CUBN: variants seen among roughly 807,000 people sequenced by gnomAD.
CUBN encodes the protein 460 kDa receptor.
CUBN carries 282 observed loss-of-function variants against 405.3 expected under a neutral mutation model. That is an observed-to-expected ratio of 0.70 (90% CI 0.63 to 0.77). CUBN has a LOEUF of 0.77. Ranked by LOEUF, CUBN falls within the 30% of genes least tolerant of loss-of-function variation. The pLI is 0.00. For synonymous variants in CUBN, 1,684 were observed against 1,617.0 expected, an observed-to-expected ratio of 1.04 and a Z score of -0.99; for missense variants, 4,514 against 4,475.2, an observed-to-expected ratio of 1.01 and a Z score of -0.25.
intron 14 of CUBN, among the ~76,000 whole-genome samples, chr10:17,090,534 T>C (rs138186726): frequency 0.023 from 3,534 of 152,068 alleles, 138 homozygotes; most frequent in African/African-American, 0.078. Flanking sequence ...AAATCACAAC[T>C]GAAGTGAAAC....
intron 31 of CUBN, among the ~76,000 whole-genome samples, chr10:16,958,141 C>T (rs954850728): frequency 3.3e-5 from 5 of 152,054 alleles, no homozygotes; most frequent in Non-Finnish European, 7.4e-5. Context: ...GAAAATCACC[C>T]GAATCACCCA....
chr10:16,888,735 A>G (rs572185561), intron 55 of CUBN, among the ~76,000 whole-genome samples, 169 bp from the exon 56 acceptor site: 1 of 152,334 alleles, frequency 6.6e-6, no homozygotes, highest in African/African-American at 2.4e-5. Flanking sequence ...AAAAACATAC[A>G]TATGTGCTTA....
intron 64 of CUBN, among the ~76,000 whole-genome samples, chr10:16,832,119 A>T (rs1426892870): frequency 6.6e-6 from 1 of 152,130 alleles, no homozygotes; most frequent in African/African-American, 2.4e-5. Context: ...AGAGAACTAC[A>T]CTGTGAACTG....
chr10:17,022,924 A>G (rs1337364605), intron 27 of CUBN, among the ~76,000 whole-genome samples: 1 of 152,180 alleles, frequency 6.6e-6, no homozygotes, highest in Non-Finnish European at 1.5e-5. Flanking sequence ...CATAGGTAAG[A>G]TTTCTCCATA....
intron 48 of CUBN, among the ~76,000 whole-genome samples, chr10:16,912,568 C>T (rs1841763716): frequency 6.6e-6 from 1 of 152,084 alleles, no homozygotes; most frequent in Non-Finnish European, 1.5e-5. Context: ...GGTACTTAGA[C>T]CTTATGGATT....
At chr10:17,117,973 T>C (rs368084840) in intron 6 of CUBN, among the ~76,000 whole-genome samples, 159 of 152,318 alleles carry the variant, frequency 1.0e-3, no homozygotes, top group East Asian at 0.01. Context: ...GCTAAGAAGA[T>C]TGTCTTTATT....
At chr10:17,086,546 T>C (rs1836113772) in intron 15 of CUBN, among the ~76,000 whole-genome samples, 1 of 152,162 alleles carries the variant, frequency 6.6e-6, no homozygotes. Flanking sequence ...ACTTTGATAG[T>C]AAGTAAGTAC....
chr10:16,993,418 A>G (rs1833649155), intron 28 of CUBN, among the ~76,000 whole-genome samples: 1 of 152,140 alleles, frequency 6.6e-6, no homozygotes, highest in Non-Finnish European at 1.5e-5. Context: ...TTCCTTCGCA[A>G]ATAACAGGAT....
At chr10:17,127,002 G>T (rs532476318) in intron 3 of CUBN, among the ~76,000 whole-genome samples, 16 of 151,602 alleles carry the variant, frequency 1.1e-4, no homozygotes, top group East Asian at 5.8e-4. Flanking sequence ...GATTTCTGGG[G>T]TTTTTTTAAG....
intron 22 of CUBN, among the ~76,000 whole-genome samples, chr10:17,048,941 G>A (rs1167673151): frequency 3.3e-5 from 5 of 152,012 alleles, no homozygotes; most frequent in African/African-American, 4.8e-5. Context: ...ATGGGCATTC[G>A]CCAGATATTT....
At chr10:16,869,292 C>A (rs943353075) in intron 59 of CUBN, among the ~76,000 whole-genome samples, 1 of 150,962 alleles carries the variant, frequency 6.6e-6, no homozygotes, top group African/African-American at 2.4e-5. Context: ...CAGCCTCCTG[C>A]GTAGCTGGGA....
At chr10:16,834,484 G>A (rs1164247033) in intron 64 of CUBN, among the ~76,000 whole-genome samples, 4 of 152,126 alleles carry the variant, frequency 2.6e-5, no homozygotes, top group Non-Finnish European at 5.9e-5. Context: ...GTGAAGAAAG[G>A]ACAGACCACA....
chr10:17,104,724 T>A (rs1836581032), intron 11 of CUBN, 119 bp from the exon 12 acceptor site: 1 of 250,854 alleles, frequency 4.0e-6, no homozygotes, highest in Admixed American at 5.5e-5. Flanking sequence ...AATTATATAA[T>A]TATTATATAT....
intron 59 of CUBN, among the ~76,000 whole-genome samples, chr10:16,857,440 G>C (rs142166780): frequency 6.6e-6 from 1 of 152,110 alleles, no homozygotes; most frequent in African/African-American, 2.4e-5. Flanking sequence ...AAATTTTATC[G>C]TTATCTTTTA....
At chr10:17,040,412 C>G (rs961039198) in intron 27 of CUBN, among the ~76,000 whole-genome samples, 1 of 152,076 alleles carries the variant, frequency 6.6e-6, no homozygotes. Flanking sequence ...CTAAAAGTTA[C>G]ATATGCAAGT....
chr10:16,890,811 C>T (rs183253713), intron 54 of CUBN, among the ~76,000 whole-genome samples: 69 of 152,204 alleles, frequency 4.5e-4, no homozygotes, highest in Middle Eastern at 6.8e-3. Context: ...TGTTCGGTTT[C>T]CTCATAACTT....
At chr10:16,928,347 A>T (rs180696975) in intron 40 of CUBN, 44 bp from the exon 41 acceptor site, 20 of 1,604,180 alleles carry the variant, frequency 1.2e-5, no homozygotes. Context: ...CATCTTGAGA[A>T]TCTACTCTAC....
chr10:17,055,525 GATTT>G (rs1269059605), intron 22 of CUBN, among the ~76,000 whole-genome samples: 13 of 151,984 alleles, frequency 8.6e-5, no homozygotes, highest in Non-Finnish European at 1.9e-4. Context: ...TATACTAAAG[GATTT>G]ATTTAAGTCA....
Position 17,116,602 on chromosome 10 carries a change from GC to G in CUBN, c.594-1006del. On this transcript the variant is annotated intron_variant, in intron 6 of 66. Transcript: ENST00000377833. Reference sequence around the variant, plus strand: ...CCATGCCATTCTACAAAGGAAAAGAGCTATTTTAACAAGACACAGTGAGGTA... The same window carrying G: ...CCATGCCATTCTACAAAGGAAAAGAGTATTTTAACAAGACACAGTGAGGTA... Among the ~76,000 whole-genome samples the G allele has an allele frequency of 2.0e-5, 3 of 152,370 alleles. 1 individual carries two copies. The highest frequency in any genetic ancestry group is 2.0e-4 in the Admixed American group (3 of 15,294).
Sources: allele counts gnomAD v4.1 joint callset (sites outside exome capture counted in the v4.1 genomes callset), GRCh38; gene constraint gnomAD v4.1.1; transcripts MANE v1.5; gene names NCBI Gene and HGNC (gene_info 2026-07-23, HGNC 2026-07-21).